The following NCOR2 variants were observed in gnomAD, a reference collection of about 807,000 sequenced individuals.
NCOR2 encodes CTG repeat protein 26.
In NCOR2, 81 loss-of-function variants were observed where a neutral mutation model predicts 262.9. The ratio of observed to expected loss-of-function variants is 0.31; its 90% CI spans 0.26 to 0.37. The LOEUF (loss-of-function observed/expected upper bound fraction) is 0.37. NCOR2 is among the 10% of genes least tolerant of loss of function. NCOR2 has a pLI of 1.00. For missense variants in NCOR2, 3,385 were observed against 3,621.4 expected (o/e 0.93, Z 1.68); for synonymous variants, 1,659 against 1,559.3 (o/e 1.06, Z -1.51).
At position 124,354,593 on chromosome 12, in the gene NCOR2, G is replaced by A. The variant is rs1409645756; in HGVS notation, c.3485-11C>T. The A allele has an allele frequency of 1.3e-6, 2 of 1,547,778 alleles. No individual in the cohort carries two copies. The highest frequency in any genetic ancestry group is 1.7e-6 in the Non-Finnish European group (2 of 1,148,904). ...CTCCGCTGAAGGGTGCTGAGGACCA[G>A]TAAGAGGAGCGAGTCACGTGCTGCC... is the stretch of plus-strand genomic sequence containing the variant. On this transcript the variant is annotated splice_polypyrimidine_tract_variant and intron_variant, in intron 25 of 46. Coordinates refer to ENST00000405201, the Ensembl canonical transcript of NCOR2.
intron 46 of NCOR2, 76 bp from the exon 49 acceptor site, chr12:124,325,659 C>A: frequency 9.5e-7 from 1 of 1,051,908 alleles, no homozygotes; most frequent in Non-Finnish European, 1.2e-6. Flanking sequence ...GCCCACCACA[C>A]CGGGAACAGA....
rs557193112 is a variant in NCOR2 at position 124,473,251 on chromosome 12, C to T, written c.412-120G>A. On this transcript the variant is annotated intron_variant, in intron 3 of 46. Coordinates refer to ENST00000405201, the Ensembl canonical transcript of NCOR2. ...TTGAAGGAGGCAAAGTATTGATCCT[C>T]GGTATGTCTGTGAGGGTGTTGCCAA... is the stretch of plus-strand genomic sequence containing the variant. The T allele has an allele frequency of 8.3e-4, 1,008 of 1,208,520 alleles. 14 individuals carry two copies. The South Asian group carries it at 0.013, about 16-fold the overall frequency. 74.9% of individuals were successfully genotyped at this position (1,208,520 alleles called of 1,614,324 possible).
chr12:124,406,014 A>C (rs1180273674), intron 13 of NCOR2, among the ~76,000 whole-genome samples: 1 of 152,050 alleles, frequency 6.6e-6, no homozygotes. Context: ...TGACATCCAA[A>C]TCTCTGGGCG....
intron 27 of NCOR2, 28 bp from the exon 30 acceptor site, chr12:124,350,765 G>C (rs2037379462): frequency 6.3e-7 from 1 of 1,598,170 alleles, no homozygotes; most frequent in Admixed American, 1.7e-5. Context: ...TGAGCGCCCA[G>C]GAGGCTGCAG....
chr12:124,500,591 T>C (rs879855935), intron 1 of NCOR2, among the ~76,000 whole-genome samples: 6 of 151,872 alleles, frequency 4.0e-5, no homozygotes, highest in Non-Finnish European at 8.8e-5. Flanking sequence ...CCAGCGGAGG[T>C]GCATGCCAGC....
intron 1 of NCOR2, among the ~76,000 whole-genome samples, chr12:124,555,593 T>C (rs549846647): frequency 6.6e-6 from 1 of 152,350 alleles, no homozygotes; most frequent in African/African-American, 2.4e-5. Flanking sequence ...GAAAGAACTC[T>C]GCTGAAGAAA....
chr12:124,433,704 C>G (rs1402354093), intron 8 of NCOR2, among the ~76,000 whole-genome samples: 3 of 152,120 alleles, frequency 2.0e-5, no homozygotes, highest in Non-Finnish European at 4.4e-5. Context: ...CGGTCTGCCT[C>G]GGACAGCGCA....
Position 124,342,514 on chromosome 12 carries a change from C to T in NCOR2, c.4937-440G>A, listed in dbSNP as rs373302379. ...CCTCCCGAGTAGCTGGGACTACAGG[C>T]GCCCGCCACCACACCCGGCTAGTTT... is the stretch of plus-strand genomic sequence containing the variant. On this transcript the variant is annotated intron_variant, in intron 33 of 46. Transcript: ENST00000405201. Among the ~76,000 whole-genome samples, 85 of 152,190 alleles carry T rather than the reference C, an allele frequency of 5.6e-4. No homozygotes were observed. The East Asian group carries it at 0.013, about 24-fold the overall frequency.
At chr12:124,497,359 T>C (rs2048431973), upstream of NCOR2, among the ~76,000 whole-genome samples, 1 of 152,150 alleles carries the variant, frequency 6.6e-6, no homozygotes, top group Non-Finnish European at 1.5e-5. This position sits in a 1 kb window ranked among gnomAD's most constrained non-coding sequence, Gnocchi z 4.2. Flanking sequence ...CGCTCCACCA[T>C]CGCTAAGCTG....
At chr12:124,330,732 G>T in intron 44 of NCOR2, 113 bp downstream of exon 46, 1 of 1,192,210 alleles carries the variant, frequency 8.4e-7, no homozygotes, top group African/African-American at 1.5e-5. Flanking sequence ...CCAGAATGAG[G>T]GGGTACACCC....
In NCOR2 at chr12:124,366,249, C is replaced by T. The variant is rs191435886; in HGVS notation, c.2808-2450G>A. On this transcript the variant is annotated intron_variant, in intron 20 of 46. Transcript: ENST00000405201. ...CGTGCCCTGTCCGCACGATGGAACA[C>T]ATGGCCATCAAAAGGCATGAGGCTC... 5.9e-3 allele frequency among the ~76,000 whole-genome samples: 894 copies of T among 152,212 alleles called. 8 individuals are homozygous for T. Among genetic ancestry groups the T allele is most frequent in the African/African-American group, 0.021 (853 of 41,528 alleles).
intron 37 of NCOR2, among the ~76,000 whole-genome samples, chr12:124,339,653 T>A (rs2036254997): frequency 2.0e-5 from 1 of 50,328 alleles, no homozygotes; most frequent in South Asian, 4.9e-4. Context: ...AACCCGGCCA[T>A]CTATCCTTCC....
chr12:124,407,056 A>G (rs2042314074), intron 13 of NCOR2, among the ~76,000 whole-genome samples: 1 of 152,190 alleles, frequency 6.6e-6, no homozygotes, highest in African/African-American at 2.4e-5. Flanking sequence ...ATTTCCTAGA[A>G]GGTCCTACAG....
At chr12:124,461,848 C>G (rs1034610545) in intron 5 of NCOR2, among the ~76,000 whole-genome samples, 7 of 152,200 alleles carry the variant, frequency 4.6e-5, no homozygotes, top group Non-Finnish European at 2.9e-5. Context: ...GCACACAGCA[C>G]CCACAGGTAT....
chr12:124,448,456 C>T (rs2045319783), intron 7 of NCOR2, among the ~76,000 whole-genome samples: 1 of 152,210 alleles, frequency 6.6e-6, no homozygotes, highest in Non-Finnish European at 1.5e-5. Flanking sequence ...CCTTCTGTAC[C>T]AGCCCGGGAC....
At chr12:124,347,679 G>T in intron 30 of NCOR2, 146 bp downstream of exon 32, 1 of 752,774 alleles carries the variant, frequency 1.3e-6, no homozygotes, top group Non-Finnish European at 2.2e-6. Flanking sequence ...CGTAGCTCAC[G>T]TACTGATCAT....
intron 7 of NCOR2, among the ~76,000 whole-genome samples, chr12:124,439,225 A>G (rs12827795): frequency 1.4e-5 from 2 of 145,538 alleles, no homozygotes; most frequent in Admixed American, 6.8e-5. Context: ...ACAGAGACCC[A>G]GAGACAGAGG....
chr12:124,399,223 T>A (rs564582791), intron 15 of NCOR2, among the ~76,000 whole-genome samples: 13 of 152,116 alleles, frequency 8.5e-5, no homozygotes, highest in African/African-American at 3.1e-4. Context: ...CCTGGGCCTC[T>A]CTGGGACCTC....
Position 124,345,462 on chromosome 12 carries a change from G to T in NCOR2, c.4360-511C>A, listed in dbSNP as rs11057589. Among the ~76,000 whole-genome samples, 1,225 of 152,266 alleles carry T rather than the reference G, an allele frequency of 8.0e-3. 14 individuals are homozygous for T. The highest frequency in any genetic ancestry group is 0.027 in the African/African-American group (1,140 of 41,536). ...ACAGAAAGGATGGTGAGGAAATGGG[G>T]GGGTCACAGTCCAGACTGGGACCTT... is the stretch of plus-strand genomic sequence containing the variant. On this transcript the variant is annotated intron_variant, in intron 31 of 46. Coordinates refer to ENST00000405201, the Ensembl canonical transcript of NCOR2.
Sources: gnomAD v4.1 joint callset for allele counts (sites outside exome capture counted in the v4.1 genomes callset) on GRCh38, gnomAD v4.1.1 for gene constraint, Gnocchi (gnomAD v3.1) non-coding constraint, MANE v1.5 for transcripts, NCBI Gene and HGNC (gene_info 2026-07-23, HGNC 2026-07-21) for gene names.